The following SYT13 variants were observed in gnomAD, a reference collection of about 807,000 sequenced individuals.
The protein encoded by SYT13 is synaptotagmin 13, also known as synaptotagmin-13.
Under a neutral mutation model 38.6 loss-of-function variants are expected in SYT13, and 21 were observed. The observed-to-expected ratio is 0.54, with a 90% CI of 0.39 to 0.78. SYT13 has a LOEUF of 0.78. Among genes scored for constraint, SYT13 ranks in the 30% least tolerant of loss-of-function variants. The pLI is 0.00. For missense variants in SYT13, 495 were observed against 548.7 expected (o/e 0.90, Z 0.98); for synonymous variants, 241 against 237.6 (o/e 1.01, Z -0.13).
chr11:45,281,928 C>T (rs1855079254), intron 1 of SYT13, among the ~76,000 whole-genome samples: 1 of 152,122 alleles, frequency 6.6e-6, no homozygotes, highest in Non-Finnish European at 1.5e-5. Flanking sequence ...AGCCGTGGGG[C>T]AAGGGGAAAA....
At chr11:45,267,599 C>G (rs12289220) in intron 1 of SYT13, among the ~76,000 whole-genome samples, 22 of 152,280 alleles carry the variant, frequency 1.4e-4, no homozygotes, top group African/African-American at 4.8e-4. Context: ...TGTTAAGCTG[C>G]TCACAGGCAC....
chr11:45,280,232 G>A (rs558337138), intron 1 of SYT13, among the ~76,000 whole-genome samples: 3 of 152,302 alleles, frequency 2.0e-5, no homozygotes, highest in South Asian at 4.1e-4. Flanking sequence ...GAGGAGAAGA[G>A]GTAGGAGGCC....
intron 1 of SYT13, among the ~76,000 whole-genome samples, chr11:45,267,448 C>T (rs1480048797): frequency 6.6e-6 from 1 of 152,140 alleles, no homozygotes; most frequent in African/African-American, 2.4e-5. Context: ...TTGGGGAGTG[C>T]ACAGTTCAGA....
chr11:45,259,168 C>T (rs147072466), intron 1 of SYT13, among the ~76,000 whole-genome samples: 108 of 152,278 alleles, frequency 7.1e-4, no homozygotes, highest in Non-Finnish European at 1.5e-3. Context: ...CCACTCCCTC[C>T]CATTCATCGG....
intron 1 of SYT13, among the ~76,000 whole-genome samples, chr11:45,275,773 C>T (rs1855003039): frequency 6.6e-6 from 1 of 151,436 alleles, no homozygotes; most frequent in African/African-American, 2.4e-5. Flanking sequence ...CTAAATACTG[C>T]CTCAATTAGA....
At chr11:45,282,534 T>C (rs1260005613) in intron 1 of SYT13, among the ~76,000 whole-genome samples, 1 of 152,254 alleles carries the variant, frequency 6.6e-6, no homozygotes, top group African/African-American at 2.4e-5. Flanking sequence ...TGTTTGCTTC[T>C]TTATTAATTC....
chr11:45,254,446 GTTCT>G, intron 2 of SYT13, 42 bp from the exon 3 acceptor site: 1 of 1,595,518 alleles, frequency 6.3e-7, no homozygotes. Flanking sequence ...CCACACTGGG[GTTCT>G]GCTTTCCTGA....
chr11:45,244,234 C>T lies in SYT13; in HGVS notation c.1099G>A (p.Asp367Asn), dbSNP rs767258507. 2.4e-5 allele frequency: 38 copies of T among 1,613,920 alleles called. No homozygotes were observed. Among genetic ancestry groups the T allele is most frequent in the Admixed American group, 3.3e-5 (2 of 60,012 alleles). The change falls in exon 6 of 6, where the codon GAC becomes AAC. Residue 367 changes from aspartate to asparagine, a missense_variant. Coordinates refer to ENST00000020926, the MANE Select transcript of SYT13 (RefSeq NM_020826.3). ...TCCACACTGGAGGCCTGCAGCAGGT[C>T]GTCAGGCAGCTCAAACATGATCATC... Reference protein sequence around the residue: ...NEMIMFELPDDLLQASSVELE... With the variant: ...NEMIMFELPDNLLQASSVELE...
chr11:45,260,726 C>T (rs1436027539), intron 1 of SYT13, among the ~76,000 whole-genome samples: 1 of 152,182 alleles, frequency 6.6e-6, no homozygotes, highest in Non-Finnish European at 1.5e-5. Context: ...GCATGCACAT[C>T]TGGATAGAAG....
chr11:45,283,371 C>T (rs2135913811), intron 1 of SYT13, among the ~76,000 whole-genome samples: 1 of 152,310 alleles, frequency 6.6e-6, no homozygotes, highest in East Asian at 1.9e-4. Flanking sequence ...TATTTTCCAG[C>T]CTCCATACCT....
At chr11:45,274,429 C>A (rs1311454486) in intron 1 of SYT13, among the ~76,000 whole-genome samples, 2 of 152,180 alleles carry the variant, frequency 1.3e-5, no homozygotes, top group Admixed American at 6.5e-5. Flanking sequence ...AAAGAATGTG[C>A]AAAGAAACCC....
intron 4 of SYT13, among the ~76,000 whole-genome samples, chr11:45,251,082 G>A (rs1854668238): frequency 6.6e-6 from 1 of 151,936 alleles, no homozygotes; most frequent in Non-Finnish European, 1.5e-5. Context: ...AGTAACTGAT[G>A]GTGAGCATTA....
chr11:45,254,150 T>C (rs899690995), intron 3 of SYT13, 120 bp downstream of exon 3: 1 of 1,145,364 alleles, frequency 8.7e-7, no homozygotes, highest in Non-Finnish European at 1.2e-6. Context: ...TTCCAGGGTC[T>C]GGTTGTTAGA....
chr11:45,251,292 G>C (rs187156315), intron 4 of SYT13, among the ~76,000 whole-genome samples: 1 of 148,852 alleles, frequency 6.7e-6, no homozygotes, highest in East Asian at 2.0e-4. Flanking sequence ...AGGAGGCTGA[G>C]GCACGAGAAT....
intron 4 of SYT13, among the ~76,000 whole-genome samples, chr11:45,251,583 A>G (rs774847274): frequency 3.7e-4 from 57 of 152,210 alleles, no homozygotes; most frequent in Non-Finnish European, 6.6e-4. Flanking sequence ...AGGTTTCCTC[A>G]AGGAACCACA....
intron 1 of SYT13, among the ~76,000 whole-genome samples, chr11:45,278,460 C>G (rs1855035056): frequency 6.6e-6 from 1 of 152,090 alleles, no homozygotes; most frequent in Non-Finnish European, 1.5e-5. Flanking sequence ...TCCTGCTGGT[C>G]TCTTCTCTTC....
chr11:45,257,798 A>T (rs1228654577), intron 1 of SYT13, among the ~76,000 whole-genome samples: 1 of 151,472 alleles, frequency 6.6e-6, no homozygotes, highest in East Asian at 1.9e-4. Flanking sequence ...AAGAAGCTGC[A>T]GCAGGGCCCA....
chr11:45,264,101 A>ACT (rs1281585702), intron 1 of SYT13, among the ~76,000 whole-genome samples: 25 of 152,198 alleles, frequency 1.6e-4, no homozygotes, highest in African/African-American at 5.8e-4. Flanking sequence ...CATTTGTGAT[A>ACT]AATATAGACA....
At chr11:45,251,914 G>C (rs1854681228) in intron 4 of SYT13, among the ~76,000 whole-genome samples, 1 of 152,144 alleles carries the variant, frequency 6.6e-6, no homozygotes, top group East Asian at 1.9e-4. Context: ...AGAGCACATT[G>C]GTTAGGTCTC....
Sources: gnomAD v4.1 joint callset for allele counts (sites outside exome capture counted in the v4.1 genomes callset) on GRCh38, gnomAD v4.1.1 for gene constraint, MANE v1.5 for transcripts, NCBI Gene and HGNC (gene_info 2026-07-23, HGNC 2026-07-21) for gene names.